Variants in IMPG2 observed in about 807,000 individuals in gnomAD.
IMPG2 encodes IPM 200.
Under a neutral mutation model 129.2 loss-of-function variants are expected in IMPG2, and 91 were observed. That is an observed-to-expected ratio of 0.70 (90% confidence interval 0.59 to 0.84). IMPG2 has a LOEUF of 0.84. IMPG2 is among the 40% of genes least tolerant of loss of function. The probability of loss-of-function intolerance (pLI) is 0.00; values close to 1 mark genes in which losing one functional copy is unlikely to be tolerated. For missense variants in IMPG2, 1,430 were observed against 1,461.7 expected (o/e 0.98, Z 0.35); for synonymous variants, 510 against 517.7 (o/e 0.99, Z 0.20).
intron 17 of IMPG2, among the ~76,000 whole-genome samples, chr3:101,229,112 G>A (rs1706253888): frequency 6.8e-6 from 1 of 146,160 alleles, no homozygotes; most frequent in Non-Finnish European, 1.5e-5. Context: ...AGAAAGGGAG[G>A]AAGGAGAGAG....
chr3:101,276,341 G>A (rs186169503), intron 5 of IMPG2, among the ~76,000 whole-genome samples: 17 of 152,266 alleles, frequency 1.1e-4, no homozygotes, highest in Admixed American at 5.9e-4. Context: ...AAATGGTGGC[G>A]TTAGAATGGT....
rs1354513976 is a variant in IMPG2 at position 101,244,444 on chromosome 3, G to A, written c.1887C>T (p.Ser629=). The A allele has an allele frequency of 1.2e-6, 2 of 1,614,006 alleles. No homozygotes were observed. The highest frequency in any genetic ancestry group is 1.1e-5 in the South Asian group (1 of 91,080). ...AATCATCATCTTCAAGCCACGGCTT[G>A]GACAGTGGTTCAGCGCTCTTCTCTG... The part of the protein sequence containing the change: ...TSSEKSAEPL[S]KPWLEDDDSL... Residue 629 remains serine (S), a synonymous_variant, in exon 13 of 19, where the codon TCC becomes TCT. Coordinates refer to ENST00000193391, the MANE Select transcript of IMPG2 (RefSeq NM_016247.4).
chr3:101,268,346 T>G (rs1706743477), intron 8 of IMPG2, among the ~76,000 whole-genome samples: 1 of 152,152 alleles, frequency 6.6e-6, no homozygotes, highest in African/African-American at 2.4e-5. Flanking sequence ...CCTCACATTC[T>G]CAGGTTCTCA....
At chr3:101,263,522 C>A (rs1487108107) in intron 9 of IMPG2, among the ~76,000 whole-genome samples, 1 of 151,724 alleles carries the variant, frequency 6.6e-6, no homozygotes, top group Non-Finnish European at 1.5e-5. Context: ...AGAAACACAA[C>A]ATACCAAAAC....
rs1356119322 is a variant in IMPG2, at chr3:101,291,520, A to C, written c.502-10T>G. 2 of 1,609,056 alleles carry C rather than the reference A, an allele frequency of 1.2e-6. No individual in the cohort carries two copies. The highest frequency in any genetic ancestry group is 1.7e-6 in the Non-Finnish European group (2 of 1,175,576). ...TTGCATAAGTCAGTTTCTAAGGAAA[A>C]CAAAGATATAAAAATGACTGAGTTA... On this transcript the variant is annotated splice_polypyrimidine_tract_variant and intron_variant, in intron 3 of 18. Transcript: ENST00000193391.
At chr3:101,274,560 T>C (rs1328343584) in intron 6 of IMPG2, among the ~76,000 whole-genome samples, 1 of 152,210 alleles carries the variant, frequency 6.6e-6, no homozygotes, top group African/African-American at 2.4e-5. Context: ...GGGCTTCATT[T>C]TGAACCAGAG....
intron 11 of IMPG2, among the ~76,000 whole-genome samples, chr3:101,248,333 G>A (rs1255459364): frequency 2.0e-5 from 3 of 152,152 alleles, no homozygotes; most frequent in Non-Finnish European, 4.4e-5. Flanking sequence ...CATGTGACAC[G>A]TGCCTTTCAC....
At chr3:101,305,677 A>AT (rs1370838958) in intron 2 of IMPG2, among the ~76,000 whole-genome samples, 17 of 151,954 alleles carry the variant, frequency 1.1e-4, no homozygotes, top group East Asian at 3.9e-4. Context: ...AAGAAAAAAA[A>AT]ATATATATAC....
Position 101,304,441 on chromosome 3 carries a change from T to C in IMPG2, c.335-129A>G, listed in dbSNP as rs1041155322. 8 of 833,536 alleles carry C rather than the reference T, an allele frequency of 9.6e-6. No individual in the cohort carries two copies. In the African/African-American group the frequency reaches 1.2e-4, roughly 12 times the overall value. 51.6% of individuals were successfully genotyped at this position (833,536 alleles called of 1,614,324 possible). On this transcript the variant is annotated intron_variant, in intron 2 of 18. Coordinates refer to ENST00000193391, the MANE Select transcript of IMPG2 (RefSeq NM_016247.4). ...CCTTTCTGGAGGGATGTAGGAATGATTCTCAGTCAAAGGCCTTCTGTATGT... is the reference window on the plus strand; with the variant it reads ...CCTTTCTGGAGGGATGTAGGAATGACTCTCAGTCAAAGGCCTTCTGTATGT...
intron 4 of IMPG2, among the ~76,000 whole-genome samples, chr3:101,282,766 T>A (rs1366832518): frequency 6.6e-6 from 1 of 152,166 alleles, no homozygotes. Flanking sequence ...ACTTCAGACA[T>A]CTTCCAGCTA....
At chr3:101,246,786 T>C (rs1320783578) in intron 11 of IMPG2, among the ~76,000 whole-genome samples, 1 of 152,196 alleles carries the variant, frequency 6.6e-6, no homozygotes, top group Non-Finnish European at 1.5e-5. Context: ...ATTATTTAAT[T>C]TTATGAAGAA....
In IMPG2 at chr3:101,304,211, T is replaced by A; in HGVS notation, c.436A>T (p.Thr146Ser). ...YWMNLCEDGV[T>S]SIFEMGTNFS... ...TTTGTGCCCATTTCAAATATACTTG[T>A]GACTCCATCCTCACACAAATTCATC... The change falls in exon 3 of 19, where the codon ACA becomes TCA. Residue 146 changes from threonine (T) to serine (S), a missense_variant. Thr to Ser is a moderately conservative substitution (Grantham distance 58, BLOSUM62 1). Transcript: ENST00000193391. 6.2e-7 allele frequency: 1 copy of A among 1,613,934 alleles called. No individual in the cohort carries two copies.
In IMPG2 at chr3:101,313,024, G is replaced by T. The variant is rs570213468; in HGVS notation, c.334+6560C>A. On this transcript the variant is annotated intron_variant, in intron 2 of 18. Coordinates refer to ENST00000193391, the MANE Select transcript of IMPG2 (RefSeq NM_016247.4). The stretch of plus-strand genomic sequence containing the variant: ...AAAATGTTCTTAAACTGACTGTGGT[G>T]ATTTGGTATATCTGTGAATATACTA... 7.9e-5 allele frequency among the ~76,000 whole-genome samples: 12 copies of T among 152,160 alleles called. 1 individual carries two copies. In the South Asian group the frequency reaches 2.3e-3, roughly 29 times the overall value.
intron 14 of IMPG2, among the ~76,000 whole-genome samples, chr3:101,235,079 A>C (rs1220377422): frequency 2.0e-5 from 3 of 152,240 alleles, no homozygotes; most frequent in Non-Finnish European, 2.9e-5. Context: ...AACATTTTAA[A>C]TAATTTTGTG....
At chr3:101,277,117 ACT>A (rs1390488357) in intron 4 of IMPG2, among the ~76,000 whole-genome samples, 2 of 152,096 alleles carry the variant, frequency 1.3e-5, no homozygotes, top group African/African-American at 4.8e-5. Context: ...CAAGTTAAAA[ACT>A]CAGTTCCTCA....
At chr3:101,239,577 C>T (rs1706383985) in intron 14 of IMPG2, among the ~76,000 whole-genome samples, 1 of 152,110 alleles carries the variant, frequency 6.6e-6, no homozygotes, top group Non-Finnish European at 1.5e-5. Context: ...TGCCTATATA[C>T]CCAAAGGATT....
Position 101,222,550 on chromosome 3 carries a change from T to G in IMPG2, c.*4419A>C, listed in dbSNP as rs1706176052. ...ACAAAAACAAATGTAGACAGGTTCTTGAAAGTGATGTTTATTACTAATGAA... is the reference window on the plus strand; with the variant it reads ...ACAAAAACAAATGTAGACAGGTTCTGGAAAGTGATGTTTATTACTAATGAA... On this transcript the variant is annotated 3_prime_UTR_variant, in exon 19 of 19. Transcript: ENST00000193391. The G allele has an allele frequency of 6.6e-6, 1 of 152,234 alleles. No individual in the cohort carries two copies. Among genetic ancestry groups the G allele is most frequent in the South Asian group, 2.1e-4 (1 of 4,836 alleles). The allele number at this position is 152,234 out of a possible 1,614,324, so 9.4% of individuals were successfully genotyped here.
intron 14 of IMPG2, 42 bp downstream of exon 14, chr3:101,242,646 C>G (rs761374395): frequency 1.5e-6 from 2 of 1,371,924 alleles, no homozygotes; most frequent in South Asian, 2.3e-5. Flanking sequence ...AGAATAATCA[C>G]TGGATTCTAC....
intron 17 of IMPG2, 60 bp downstream of exon 17, chr3:101,229,320 G>GCGCC: frequency 1.2e-5 from 6 of 519,328 alleles, no homozygotes; most frequent in East Asian, 5.2e-5. Flanking sequence ...ACCACCCCCT[G>GCGCC]CTCCCCCACA....
Sources: allele counts gnomAD v4.1 joint callset (sites outside exome capture counted in the v4.1 genomes callset), GRCh38; gene constraint gnomAD v4.1.1; transcripts MANE v1.5; gene names NCBI Gene and HGNC (gene_info 2026-07-23, HGNC 2026-07-21).